DEFA6: variants seen among roughly 807,000 people sequenced by gnomAD.
DEFA6 encodes the protein defensin alpha 6.
In DEFA6, 8 loss-of-function variants were observed where a neutral mutation model predicts 5.1. That is an observed-to-expected ratio of 1.57 (90% CI 0.92 to 2.83). DEFA6 has a LOEUF of 2.83. DEFA6 is among the 30% of genes most tolerant of loss of function. The pLI is 0.00. For missense variants in DEFA6, 191 were observed against 119.1 expected (o/e 1.60, Z -2.81); for synonymous variants, 74 against 45.3 (o/e 1.63, Z -2.54).
rs1442974308 is a variant in DEFA6 at position 6,924,758 on chromosome 8, G to A, written c.*60C>T. The A allele has an allele frequency of 2.5e-6, 3 of 1,217,382 alleles. No homozygotes were observed. The highest frequency in any genetic ancestry group is 2.4e-5 in the East Asian group (1 of 42,094). The allele number at this position is 1,217,382 out of a possible 1,614,324, so 75.4% of individuals were successfully genotyped here. A position where few individuals can be genotyped will look rare whatever the true frequency, so the allele number is the denominator to read the frequency against. On this transcript the variant is annotated 3_prime_UTR_variant, in exon 2 of 2. Transcript: ENST00000297436. ...GTTGATGGCAATGTATAGGACACAC[G>A]ACAGTTTCCTTCTAGGTCATAAAGT...
intron 1 of DEFA6, 132 bp from the exon 2 acceptor site, chr8:6,925,059 A>G (rs1808379141): frequency 3.3e-6 from 2 of 609,804 alleles, no homozygotes; most frequent in African/African-American, 1.8e-5. Flanking sequence ...GCATGATCAC[A>G]CCATCAATAG....
At chr8:6,925,222 A>G (rs1808391154) in intron 1 of DEFA6, among the ~76,000 whole-genome samples, 1 of 152,220 alleles carries the variant, frequency 6.6e-6, no homozygotes, top group Non-Finnish European at 1.5e-5. Context: ...AGTCAGATTA[A>G]AAAACATTCC....
In DEFA6 at chr8:6,924,931, G is replaced by C. The variant is rs570049104; in HGVS notation, c.194-4C>G. ...CAAGTGAAAGCCCTTGTTGAGCCTG[G>C]GGACAGAGAGAGAGAGCATCAGAAA... On this transcript the variant is annotated splice_region_variant and splice_polypyrimidine_tract_variant and intron_variant, in intron 1 of 1. Coordinates refer to ENST00000297436, the MANE Select transcript of DEFA6 (RefSeq NM_001926.4). 1.9e-6 allele frequency: 3 copies of C among 1,595,402 alleles called. No individual in the cohort carries two copies. The highest frequency in any genetic ancestry group is 2.7e-5 in the African/African-American group (2 of 74,716).
intron 1 of DEFA6, among the ~76,000 whole-genome samples, chr8:6,925,410 C>G (rs1024118406): frequency 2.0e-5 from 3 of 151,886 alleles, no homozygotes; most frequent in Non-Finnish European, 4.4e-5. Flanking sequence ...TGCCTGTAAT[C>G]CTAGTGACTT....
intron 1 of DEFA6, among the ~76,000 whole-genome samples, chr8:6,925,231 C>G (rs73194197): frequency 6.6e-6 from 1 of 152,240 alleles, no homozygotes; most frequent in African/African-American, 2.4e-5. Flanking sequence ...AAAAAACATT[C>G]CTTTAGCAGC....
chr8:6,925,803 C>T, intron 1 of DEFA6, 40 bp downstream of exon 1: 1 of 1,532,952 alleles, frequency 6.5e-7, no homozygotes, highest in Non-Finnish European at 8.8e-7. Context: ...CTTGGTTTTC[C>T]TCTCTACACT....
Position 6,925,943 on chromosome 8 carries a change from T to C in DEFA6, c.93A>G (p.Ala31=), listed in dbSNP as rs752292160. Residue 31 remains alanine, a synonymous_variant, in exon 1 of 2, where the codon GCA becomes GCG. Coordinates refer to ENST00000297436, the MANE Select transcript of DEFA6 (RefSeq NM_001926.4). ...PLQAEDDPLQ[A]KAYEADAQEQ... ...CCTGGGCATCAGCCTCATAAGCTTT[T>C]GCCTGCAGTGGATCATCCTCAGCTT... The C allele has an allele frequency of 3.1e-6, 5 of 1,613,960 alleles. No homozygotes were observed. Among genetic ancestry groups the C allele is most frequent in the East Asian group, 2.2e-5 (1 of 44,900 alleles).
rs760986660 is a variant in DEFA6, at chr8:6,924,888, C to T, written c.233G>A (p.Cys78Tyr). The T allele has an allele frequency of 1.9e-6, 3 of 1,611,280 alleles. No individual in the cohort carries two copies. Among genetic ancestry groups the T allele is most frequent in the Non-Finnish European group, 2.5e-6 (3 of 1,177,716 alleles). ...RAFTCHCRRSCYSTEYSYGTC... is the reference protein window; with the variant it reads ...RAFTCHCRRSYYSTEYSYGTC... ...CCCATAGGAATATTCTGTTGAATAA[C>T]AGGACCTTCTGCAATGGCAAGTGAA... is the stretch of plus-strand genomic sequence containing the variant. Residue 78 changes from cysteine (C) to tyrosine (Y), a missense_variant, in exon 2 of 2, where the codon TGT becomes TAT. By Grantham distance (194) the Cys-to-Tyr change is radical. Coordinates refer to ENST00000297436, the MANE Select transcript of DEFA6 (RefSeq NM_001926.4).
intron 1 of DEFA6, among the ~76,000 whole-genome samples, chr8:6,925,198 A>G (rs1808389981): frequency 6.6e-6 from 1 of 152,174 alleles, no homozygotes; most frequent in African/African-American, 2.4e-5. Flanking sequence ...CCAGTTTGCA[A>G]CGGTTCCTAT....
Position 6,924,917 on chromosome 8 carries a change from C to G in DEFA6, c.204G>C (p.Arg68Ser), listed in dbSNP as rs758557142. The change falls in exon 2 of 2, where the codon AGG (arginine) becomes AGC (serine). Residue 68 changes from arginine (R) to serine (S), a missense_variant. Transcript: ENST00000297436. ...ACCTTCTGCAATGGCAAGTGAAAGC[C>G]CTTGTTGAGCCTGGGGACAGAGAGA... is the stretch of plus-strand genomic sequence containing the variant. ...SSSLRALGST[R>S]AFTCHCRRSC... The G allele has an allele frequency of 1.2e-6, 2 of 1,605,684 alleles. No homozygotes were observed. The highest frequency in any genetic ancestry group is 8.5e-7 in the Non-Finnish European group (1 of 1,173,354).
chr8:6,926,018 G>A lies in DEFA6; in HGVS notation c.18C>T (p.Ile6=), dbSNP rs539202273. Residue 6 remains isoleucine (I), a synonymous_variant, in exon 1 of 2, where the codon ATC becomes ATT. Transcript: ENST00000297436. The part of the protein sequence containing the change: MRTLT[I]LTAVLLVALQ... The stretch of plus-strand genomic sequence containing the variant: ...GGGCCACGAGGAGAACAGCAGTGAG[G>A]ATGGTGAGGGTTCTCATGGCTAGGG... The A allele has an allele frequency of 2.8e-5, 45 of 1,611,304 alleles. No individual in the cohort carries two copies. In the African/African-American group the frequency reaches 4.5e-4, roughly 16 times the overall value.
At chr8:6,924,987 A>T in intron 1 of DEFA6, 60 bp from the exon 2 acceptor site, 1 of 1,163,034 alleles carries the variant, frequency 8.6e-7, no homozygotes, top group Non-Finnish European at 1.3e-6. Context: ...CGGGCAGTAA[A>T]GAGAATCTTC....
chr8:6,924,797 A>G lies in DEFA6; in HGVS notation c.*21T>C. ...AGGTCATAAAGTAAATTATGAATAT[A>G]TTTCTCTCTGTTCTCATCCCTCAGA... On this transcript the variant is annotated 3_prime_UTR_variant, in exon 2 of 2. Transcript: ENST00000297436. 1 of 1,516,936 alleles carries G rather than the reference A, an allele frequency of 6.6e-7. No individual in the cohort carries two copies. Among genetic ancestry groups the G allele is most frequent in the Non-Finnish European group, 9.1e-7 (1 of 1,097,258 alleles). The allele number at this position is 1,516,936 out of a possible 1,614,324, so 94.0% of individuals were successfully genotyped here.
Position 6,924,831 on chromosome 8 carries a change from A to T in DEFA6, c.290T>A (p.Phe97Tyr). 1 of 1,603,324 alleles carries T rather than the reference A, an allele frequency of 6.2e-7. No individual in the cohort carries two copies. Among genetic ancestry groups the T allele is most frequent in the Non-Finnish European group, 8.5e-7 (1 of 1,171,172 alleles). ...TCTVMGINHR[F>Y]CCL ...TGTTCTCATCCCTCAGAGGCAGCAGAATCTGTGGTTAATACCCATGACAGT... is the reference window on the plus strand; with the variant it reads ...TGTTCTCATCCCTCAGAGGCAGCAGTATCTGTGGTTAATACCCATGACAGT... Residue 97 changes from phenylalanine to tyrosine, a missense_variant, in exon 2 of 2, where the codon TTC becomes TAC. Transcript: ENST00000297436.
Position 6,925,900 on chromosome 8 carries a change from CA to C in DEFA6, c.135del (p.Asn45LysfsTer59). On this transcript the variant is annotated frameshift_variant, in exon 1 of 2. Coordinates refer to ENST00000297436, the MANE Select transcript of DEFA6 (RefSeq NM_001926.4). LOFTEE classifies it high-confidence loss of function. ...EADAQEQRGA[N>X]DQDFAVSFAE... ...GCAAAGGAGACGGCAAAGTCCTGGT[CA>C]TTTGCCCCACGCTGCTCCTGGGCAT... is the stretch of plus-strand genomic sequence containing the variant. 1.2e-6 allele frequency: 2 copies of C among 1,614,136 alleles called. No individual in the cohort carries two copies. The highest frequency in any genetic ancestry group is 1.7e-6 in the Non-Finnish European group (2 of 1,180,024).
rs766664569 is a variant in DEFA6, at chr8:6,924,957, T to C, written c.194-30A>G. On this transcript the variant is annotated intron_variant, in intron 1 of 1. Coordinates refer to ENST00000297436, the MANE Select transcript of DEFA6 (RefSeq NM_001926.4). ...GGACAGAGAGAGAGAGCATCAGAAATTGAGCACCAGGGTCAGCAGCGGGCA... is the reference window on the plus strand; with the variant it reads ...GGACAGAGAGAGAGAGCATCAGAAACTGAGCACCAGGGTCAGCAGCGGGCA... 43 of 1,493,886 alleles carry C rather than the reference T, an allele frequency of 2.9e-5. No individual in the cohort carries two copies. The Admixed American group carries it at 7.0e-4, about 24-fold the overall frequency. 92.5% of individuals were successfully genotyped at this position (1,493,886 alleles called of 1,614,324 possible). A position where few individuals can be genotyped will look rare whatever the true frequency, so the allele number is the denominator to read the frequency against.
At chr8:6,925,751 C>T (rs1808408763) in intron 1 of DEFA6, 92 bp downstream of exon 1, 2 of 1,153,718 alleles carry the variant, frequency 1.7e-6, no homozygotes, top group Admixed American at 2.7e-5. Context: ...GAGGTGATCA[C>T]CTAAGAGAAA....
Position 6,924,920 on chromosome 8 carries a change from T to G in DEFA6, c.201A>C (p.Thr67=). 6.2e-7 allele frequency: 1 copy of G among 1,606,048 alleles called. No homozygotes were observed. Among genetic ancestry groups the G allele is most frequent in the East Asian group, 2.2e-5 (1 of 44,654 alleles). Residue 67 remains threonine, a synonymous_variant, in exon 2 of 2, where the codon ACA becomes ACC. Transcript: ENST00000297436. ...ASSSLRALGS[T]RAFTCHCRRS... is the part of the protein sequence containing the mutation. ...TTCTGCAATGGCAAGTGAAAGCCCT[T>G]GTTGAGCCTGGGGACAGAGAGAGAG...
At position 6,925,918 on chromosome 8, in the gene DEFA6, C is replaced by T. The variant is rs780471666; in HGVS notation, c.118G>A (p.Glu40Lys). Residue 40 changes from glutamate (E) to lysine (K), a missense_variant, in exon 1 of 2, where the codon GAG becomes AAG. Physicochemically the swap from Glu to Lys is moderately conservative, Grantham distance 56. Coordinates refer to ENST00000297436, the MANE Select transcript of DEFA6 (RefSeq NM_001926.4). ...QAKAYEADAQ[E>K]QRGANDQDFA... ...TCCTGGTCATTTGCCCCACGCTGCT[C>T]CTGGGCATCAGCCTCATAAGCTTTT... 8 of 1,614,166 alleles carry T rather than the reference C, an allele frequency of 5.0e-6. No homozygotes were observed. The highest frequency in any genetic ancestry group is 6.8e-6 in the Non-Finnish European group (8 of 1,180,036).
Sources: allele counts gnomAD v4.1 joint callset (sites outside exome capture counted in the v4.1 genomes callset), GRCh38; gene constraint gnomAD v4.1.1; transcripts MANE v1.5; gene names NCBI Gene and HGNC (gene_info 2026-07-23, HGNC 2026-07-21).